Variants in ALDH4A1 observed in about 807,000 individuals in gnomAD.
The protein encoded by ALDH4A1 is delta-1-pyrroline-5-carboxylate dehydrogenase, mitochondrial.
A neutral mutation model predicts 70.5 loss-of-function variants in ALDH4A1; 46 were observed. That is an observed-to-expected ratio of 0.65 (90% CI 0.51 to 0.83). ALDH4A1 has a LOEUF of 0.83. Ranked by LOEUF, ALDH4A1 falls within the 40% of genes least tolerant of loss-of-function variation. The pLI, the probability that ALDH4A1 is intolerant of heterozygous loss-of-function variation, is 0.00. For missense variants in ALDH4A1, 749 were observed against 766.5 expected, an observed-to-expected ratio of 0.98 and a Z score of 0.27; for synonymous variants, 323 against 324.3, an observed-to-expected ratio of 1.00 and a Z score of 0.04.
At chr1:18,891,952 C>T (rs1210262155) in intron 1 of ALDH4A1, among the ~76,000 whole-genome samples, 11 of 151,862 alleles carry the variant, frequency 7.2e-5, no homozygotes, top group African/African-American at 1.5e-4. Flanking sequence ...CACATGAACC[C>T]GGGAGGCAGA....
At chr1:18,899,410 G>A (rs544819485) in intron 1 of ALDH4A1, among the ~76,000 whole-genome samples, 1 of 152,212 alleles carries the variant, frequency 6.6e-6, no homozygotes, top group African/African-American at 2.4e-5. Flanking sequence ...TCATGTCTGG[G>A]CTTGGCACAA....
chr1:18,872,943 G>A lies in ALDH4A1; in HGVS notation c.1594C>T (p.Pro532Ser), dbSNP rs766004992. Residue 532 changes from proline to serine, a missense_variant, in exon 15 of 15, where the codon CCA becomes TCA. Coordinates refer to ENST00000375341, the MANE Select transcript of ALDH4A1 (RefSeq NM_003748.4). ...CGCAGGATGTAGTGTGGGCCCCCTGGCTTGTCATTGGTTCCTGCGGAAAAG... is the reference window on the plus strand; with the variant it reads ...CGCAGGATGTAGTGTGGGCCCCCTGACTTGTCATTGGTTCCTGCGGAAAAG... Reference protein sequence around the residue: ...GARASGTNDKPGGPHYILRWT... With the variant: ...GARASGTNDKSGGPHYILRWT... 6.2e-7 allele frequency: 1 copy of A among 1,613,956 alleles called. No homozygotes were observed. The highest frequency in any genetic ancestry group is 1.7e-5 in the Admixed American group (1 of 60,032).
chr1:18,889,509 C>G, intron 2 of ALDH4A1, 55 bp from the exon 3 acceptor site: 1 of 1,467,650 alleles, frequency 6.8e-7, no homozygotes, highest in South Asian at 1.2e-5. Context: ...TTCCTCCCAT[C>G]TAAAACCCTA....
At chr1:18,887,870 C>G (rs932393476) in intron 3 of ALDH4A1, among the ~76,000 whole-genome samples, 5 of 152,204 alleles carry the variant, frequency 3.3e-5, no homozygotes, top group East Asian at 3.8e-4. Context: ...TGCCCTCTCT[C>G]TGTGTGTGTG....
chr1:18,879,795 A>G (rs1464483464), intron 8 of ALDH4A1, among the ~76,000 whole-genome samples: 1 of 152,132 alleles, frequency 6.6e-6, no homozygotes, highest in Admixed American at 6.5e-5. Context: ...GTGGTCTGCG[A>G]AGGATCCCCC....
chr1:18,873,232 G>A (rs74056661), intron 14 of ALDH4A1, among the ~76,000 whole-genome samples: 2,822 of 152,256 alleles, frequency 0.019, 85 homozygotes, highest in African/African-American at 0.063. Context: ...GTGTGGCGTG[G>A]AGAGAACACT....
chr1:18,900,709 G>C (rs1001518493), intron 1 of ALDH4A1, among the ~76,000 whole-genome samples: 37 of 152,202 alleles, frequency 2.4e-4, no homozygotes, highest in African/African-American at 8.7e-4. Context: ...GGGGTAACTT[G>C]AGCCCAGGGA....
chr1:18,891,419 A>ATC (rs1935426273), intron 1 of ALDH4A1, among the ~76,000 whole-genome samples: 1 of 152,122 alleles, frequency 6.6e-6, no homozygotes, highest in Non-Finnish European at 1.5e-5. Flanking sequence ...CCCAGATACC[A>ATC]TCTCTCTCTG....
chr1:18,889,453 G>T lies in ALDH4A1; in HGVS notation c.158C>A (p.Ala53Asp). The change falls in exon 3 of 15, where the codon GCC becomes GAC. Residue 53 changes from alanine to aspartate, a missense_variant and splice_region_variant. Coordinates refer to ENST00000375341, the MANE Select transcript of ALDH4A1 (RefSeq NM_003748.4). ...GSPERDALQK[A>D]LKDLKGRMEA... ...CATCCGGCCCTTCAGGTCCTTCAAG[G>T]CCTGGGGAGAGGGACAAGAGTGGGT... 6.4e-7 allele frequency: 1 copy of T among 1,551,522 alleles called. No homozygotes were observed. Among genetic ancestry groups the T allele is most frequent in the East Asian group, 2.4e-5 (1 of 40,920 alleles).
At position 18,877,442 on chromosome 1, in the gene ALDH4A1, C is replaced by T. The variant is rs1311055958; in HGVS notation, c.1111G>A (p.Glu371Lys). 3 of 1,586,608 alleles carry T rather than the reference C, an allele frequency of 1.9e-6. No individual in the cohort carries two copies. The highest frequency in any genetic ancestry group is 3.5e-5 in the Admixed American group (2 of 56,740). ...WPQIKGRLLE[E>K]HSRIKVGDPA... ...TCGCCCACTTTGATCCGACTGTGCT[C>T]CTCCAGCAGCCGCCCTTTGATCTGC... The change falls in exon 10 of 15, where the codon GAG (glutamate) becomes AAG (lysine). Residue 371 changes from glutamate to lysine, a missense_variant. By Grantham distance (56) the Glu-to-Lys change is moderately conservative. Transcript: ENST00000375341.
intron 13 of ALDH4A1, among the ~76,000 whole-genome samples, chr1:18,875,176 G>A (rs546488256): frequency 6.6e-6 from 1 of 152,338 alleles, no homozygotes; most frequent in East Asian, 1.9e-4. Flanking sequence ...GTGGCACCCT[G>A]GCACCGGCAC....
chr1:18,888,067 C>G (rs72651879), intron 3 of ALDH4A1, among the ~76,000 whole-genome samples: 20,861 of 152,240 alleles, frequency 0.14, 1,898 homozygotes, highest in Middle Eastern at 0.21. Context: ...GCTTTCCTGT[C>G]TAAAAGAGTA....
At chr1:18,877,740 G>A (rs1404491943) in intron 9 of ALDH4A1, 128 bp from the exon 10 acceptor site, 9 of 1,181,994 alleles carry the variant, frequency 7.6e-6, no homozygotes, top group African/African-American at 3.0e-5. Context: ...CAGAGCGGGC[G>A]GAGGCTCAGA....
At chr1:18,885,436 A>AG in intron 5 of ALDH4A1, 37 bp downstream of exon 5, 1 of 386,868 alleles carries the variant, frequency 2.6e-6, no homozygotes, top group Non-Finnish European at 4.3e-6. Context: ...CTCCCACCCC[A>AG]CCCCGCCCCA....
Position 18,889,971 on chromosome 1 carries a change from C to A in ALDH4A1, c.156+41G>T, listed in dbSNP as rs376020026. 19 of 1,510,260 alleles carry A rather than the reference C, an allele frequency of 1.3e-5. No homozygotes were observed. In the African/African-American group the frequency reaches 2.5e-4, roughly 20 times the overall value. 93.6% of individuals were successfully genotyped at this position (1,510,260 alleles called of 1,614,324 possible). A position where few individuals can be genotyped will look rare whatever the true frequency, so the allele number is the denominator to read the frequency against. On this transcript the variant is annotated intron_variant, in intron 2 of 14. Coordinates refer to ENST00000375341, the MANE Select transcript of ALDH4A1 (RefSeq NM_003748.4). ...GGGCTGCTGGGGATGGCCTCTGCTC[C>A]ATGCCCTGCACCTCTCGGGTGCCTC...
intron 14 of ALDH4A1, 53 bp from the exon 15 acceptor site, chr1:18,873,010 G>T: frequency 6.9e-7 from 1 of 1,445,490 alleles, no homozygotes; most frequent in Non-Finnish European, 9.7e-7. Flanking sequence ...AGCCTGGGCA[G>T]AAGGGGAAGG....
In ALDH4A1 at chr1:18,890,121, A is replaced by C; in HGVS notation, c.63-16T>G. On this transcript the variant is annotated splice_polypyrimidine_tract_variant and intron_variant, in intron 1 of 14. Transcript: ENST00000375341. Reference sequence around the variant, plus strand: ...CCACCGCAGGCTGGAACACAAGGGCAGGGGACAGAGGCAGAGAGGTCAGCA... The same window carrying C: ...CCACCGCAGGCTGGAACACAAGGGCCGGGGACAGAGGCAGAGAGGTCAGCA... The C allele has an allele frequency of 6.3e-7, 1 of 1,598,972 alleles. No individual in the cohort carries two copies. The highest frequency in any genetic ancestry group is 1.1e-5 in the South Asian group (1 of 89,402).
intron 7 of ALDH4A1, chr1:18,882,717 A>C (rs76526762): frequency 1.8e-6 from 1 of 561,212 alleles, no homozygotes; most frequent in South Asian, 1.4e-5. Flanking sequence ...CGTGCTTGAC[A>C]GCAGCAGGCA....
intron 7 of ALDH4A1, chr1:18,882,807 T>C: frequency 1.7e-6 from 1 of 593,434 alleles, no homozygotes; most frequent in Non-Finnish European, 3.2e-6. Context: ...CAGCCCTGCC[T>C]GCTGCTGGAT....
Sources: gnomAD v4.1 joint callset for allele counts (sites outside exome capture counted in the v4.1 genomes callset) on GRCh38, gnomAD v4.1.1 for gene constraint, MANE v1.5 for transcripts, NCBI Gene and HGNC (gene_info 2026-07-23, HGNC 2026-07-21) for gene names.